CACNB2: variants seen among roughly 807,000 people sequenced by gnomAD.
The protein encoded by CACNB2 is calcium voltage-gated channel auxiliary subunit beta 2.
CACNB2 carries 42 observed loss-of-function variants against 73.3 expected under a neutral mutation model. That is an observed-to-expected ratio of 0.57 (90% CI 0.45 to 0.74). The LOEUF is 0.74. CACNB2 is among the 30% of genes least tolerant of loss of function. The probability of loss-of-function intolerance (pLI) is 0.00; values close to 1 mark genes in which losing one functional copy is unlikely to be tolerated. For missense variants in CACNB2, 940 were observed against 853.0 expected (o/e 1.10, Z -1.27); for synonymous variants, 348 against 310.3 (o/e 1.12, Z -1.28).
At chr10:18,347,556 G>A (rs1473728723) in intron 2 of CACNB2, among the ~76,000 whole-genome samples, 3 of 115,886 alleles carry the variant, frequency 2.6e-5, no homozygotes, top group Non-Finnish European at 5.8e-5. Flanking sequence ...ACATCTCTAG[G>A]CTTTTTTTTT....
At chr10:18,237,921 T>G (rs11013119) in intron 2 of CACNB2, among the ~76,000 whole-genome samples, 2,514 of 152,324 alleles carry the variant, frequency 0.017, 52 homozygotes, top group East Asian at 0.11. Context: ...TGGACTTTGT[T>G]CACTGAGGGT....
At position 18,539,513 on chromosome 10, in the gene CACNB2, G is replaced by GAGACGAGAC; in HGVS notation, c.1773_1781dup (p.Asp592_Thr594dup). The GAGACGAGAC allele has an allele frequency of 1.2e-6, 2 of 1,614,014 alleles. No homozygotes were observed. The highest frequency in any genetic ancestry group is 1.7e-6 in the Non-Finnish European group (2 of 1,180,000). On this transcript the variant is annotated inframe_insertion, in exon 14 of 14. Transcript: ENST00000324631. ...GCCTCACACCGTGACCACAACCACA[G>GAGACGAGAC]AGACGAGACCCACGGGAGCAGTGAC...
chr10:18,425,277 T>C (rs2045536993), intron 3 of CACNB2, among the ~76,000 whole-genome samples: 1 of 152,246 alleles, frequency 6.6e-6, no homozygotes, highest in East Asian at 1.9e-4. Flanking sequence ...AATTTGTAGC[T>C]GCTCTTGTCA....
intron 1 of CACNB2, among the ~76,000 whole-genome samples, chr10:18,145,952 C>T (rs1281356309): frequency 6.6e-6 from 1 of 152,154 alleles, no homozygotes; most frequent in Non-Finnish European, 1.5e-5. Context: ...TGCTTCCTGG[C>T]CTCCTCCTTC....
chr10:18,362,853 A>G (rs1440272073), intron 2 of CACNB2, among the ~76,000 whole-genome samples: 1 of 152,168 alleles, frequency 6.6e-6, no homozygotes, highest in Non-Finnish European at 1.5e-5. Flanking sequence ...GGTTGCAGTG[A>G]GCTGAGATCG....
chr10:18,334,691 C>T (rs1442982163), intron 2 of CACNB2, among the ~76,000 whole-genome samples: 1 of 152,088 alleles, frequency 6.6e-6, no homozygotes, highest in African/African-American at 2.4e-5. Flanking sequence ...ACTCCTCACC[C>T]CTCCCCATCG....
At chr10:18,366,033 A>G (rs904363611) in intron 2 of CACNB2, among the ~76,000 whole-genome samples, 14 of 152,166 alleles carry the variant, frequency 9.2e-5, no homozygotes, top group African/African-American at 3.4e-4. Context: ...AACAAGAAAT[A>G]AGTCTTGCTT....
intron 2 of CACNB2, among the ~76,000 whole-genome samples, chr10:18,376,489 G>A (rs1300899309): frequency 1.3e-5 from 2 of 152,088 alleles, no homozygotes; most frequent in African/African-American, 4.8e-5. Context: ...TAATGAAAGA[G>A]GAAAGAAACA....
At chr10:18,272,511 T>G (rs946110602) in intron 2 of CACNB2, among the ~76,000 whole-genome samples, 2 of 152,230 alleles carry the variant, frequency 1.3e-5, no homozygotes, top group African/African-American at 4.8e-5. Context: ...ATGCTGCTGA[T>G]ATGGTTTGGC....
At chr10:18,174,565 A>T (rs988859847) in intron 2 of CACNB2, among the ~76,000 whole-genome samples, 1 of 151,516 alleles carries the variant, frequency 6.6e-6, no homozygotes, top group African/African-American at 2.4e-5. Context: ...CCCCATGCCC[A>T]GCTAATTTTT....
Position 18,539,811 on chromosome 10 carries a change from A to G in CACNB2, c.*87A>G, listed in dbSNP as rs192508010. On this transcript the variant is annotated 3_prime_UTR_variant, in exon 14 of 14. Coordinates refer to ENST00000324631, the MANE Select transcript of CACNB2 (RefSeq NM_201596.3). The stretch of plus-strand genomic sequence containing the variant: ...CCAAAACAAAGTCTTTGGGGTCTAC[A>G]CTGCAATCATATGTGATCTGTCTTG... The G allele has an allele frequency of 3.2e-4, 416 of 1,312,118 alleles. No homozygotes were observed. In the African/African-American group the frequency reaches 5.5e-3, roughly 17 times the overall value. 81.3% of individuals were successfully genotyped at this position (1,312,118 alleles called of 1,614,324 possible). A position where few individuals can be genotyped will look rare whatever the true frequency, so the allele number is the denominator to read the frequency against.
intron 2 of CACNB2, 155 bp downstream of exon 2, chr10:18,151,130 T>C: frequency 1.6e-6 from 1 of 608,034 alleles, no homozygotes; most frequent in South Asian, 2.1e-5. Context: ...ATAATTAAAA[T>C]ATTTTAATCT....
intron 3 of CACNB2, among the ~76,000 whole-genome samples, chr10:18,424,071 TTACAGA>T (rs376822643): frequency 6.2e-4 from 95 of 152,232 alleles, no homozygotes; most frequent in African/African-American, 2.2e-3. Context: ...ACCTCCACAA[TTACAGA>T]TACAGAGTGT....
At chr10:18,413,451 C>A (rs1000085914) in intron 3 of CACNB2, among the ~76,000 whole-genome samples, 1 of 152,244 alleles carries the variant, frequency 6.6e-6, no homozygotes, top group Admixed American at 6.5e-5. Context: ...GTGCTTGGAT[C>A]TCAGGTCCTC....
chr10:18,499,419 C>T (rs1003431193), intron 4 of CACNB2, among the ~76,000 whole-genome samples: 3 of 151,878 alleles, frequency 2.0e-5, no homozygotes, highest in Non-Finnish European at 2.9e-5. Flanking sequence ...AGATGAAGAC[C>T]ATCCTGGCCA....
chr10:18,438,625 G>T (rs1175384610), intron 3 of CACNB2, among the ~76,000 whole-genome samples: 1 of 152,218 alleles, frequency 6.6e-6, no homozygotes, highest in Non-Finnish European at 1.5e-5. Context: ...TCCCAAAAAG[G>T]CCGTTTCTTC....
chr10:18,247,423 C>T (rs987398933), intron 2 of CACNB2, among the ~76,000 whole-genome samples: 2 of 152,132 alleles, frequency 1.3e-5, no homozygotes, highest in Non-Finnish European at 2.9e-5. Context: ...AAAATAGAAC[C>T]AAGAGACAGA....
chr10:18,317,247 T>C (rs941065653), intron 2 of CACNB2, among the ~76,000 whole-genome samples: 3 of 152,092 alleles, frequency 2.0e-5, no homozygotes, highest in African/African-American at 4.8e-5. Context: ...TTTTTTTAAA[T>C]CTTTTTTAAA....
intron 2 of CACNB2, among the ~76,000 whole-genome samples, chr10:18,221,942 A>C (rs1265027409): frequency 6.6e-6 from 1 of 152,192 alleles, no homozygotes; most frequent in Non-Finnish European, 1.5e-5. Flanking sequence ...CTCTTTATAG[A>C]AGTATTTCAT....
Sources: gnomAD v4.1 joint callset for allele counts (sites outside exome capture counted in the v4.1 genomes callset) on GRCh38, gnomAD v4.1.1 for gene constraint, MANE v1.5 for transcripts, NCBI Gene and HGNC (gene_info 2026-07-23, HGNC 2026-07-21) for gene names.